The following COP1 variants were observed in gnomAD, a reference collection of about 807,000 sequenced individuals.
COP1 encodes E3 ubiquitin-protein ligase COP1.
Under a neutral mutation model 101.3 loss-of-function variants are expected in COP1, and 24 were observed. The ratio of observed to expected loss-of-function variants is 0.24; its 90% confidence interval spans 0.17 to 0.33. The LOEUF (loss-of-function observed/expected upper bound fraction) is 0.33, where lower values mean the gene tolerates loss of function less well. Ranked by LOEUF, COP1 falls within the 10% of genes least tolerant of loss-of-function variation. COP1 has a pLI of 1.00. For missense variants in COP1, 663 were observed against 906.2 expected, an observed-to-expected ratio of 0.73 and a Z score of 3.45; for synonymous variants, 347 against 341.9, an observed-to-expected ratio of 1.01 and a Z score of -0.17.
At chr1:176,012,073 A>G (rs1664780009) in intron 15 of COP1, among the ~76,000 whole-genome samples, 1 of 152,072 alleles carries the variant, frequency 6.6e-6, no homozygotes, top group African/African-American at 2.4e-5. Flanking sequence ...TATCCCAGCA[A>G]CTTGGGAGGT....
intron 1 of COP1, among the ~76,000 whole-genome samples, chr1:176,184,964 C>T (rs1274860112): frequency 6.6e-6 from 1 of 152,012 alleles, no homozygotes; most frequent in Non-Finnish European, 1.5e-5. Flanking sequence ...TATTTTAACT[C>T]GGCACATAAT....
intron 6 of COP1, among the ~76,000 whole-genome samples, chr1:176,138,528 A>G (rs1690152657): frequency 2.6e-5 from 4 of 152,126 alleles, no homozygotes; most frequent in Admixed American, 2.6e-4. Flanking sequence ...CTCACTCTTA[A>G]AGACACTGTC....
At chr1:176,155,203 G>A (rs1401334373) in intron 5 of COP1, among the ~76,000 whole-genome samples, 7 of 151,988 alleles carry the variant, frequency 4.6e-5, no homozygotes, top group African/African-American at 7.2e-5. Flanking sequence ...CAAAAAATGC[G>A]TACTATTCTT....
intron 15 of COP1, among the ~76,000 whole-genome samples, chr1:176,003,982 A>G (rs1158895949): frequency 1.3e-5 from 2 of 150,424 alleles, no homozygotes; most frequent in Non-Finnish European, 3.0e-5. Flanking sequence ...CCAACCCATG[A>G]GCATGGAATG....
chr1:176,115,877 T>A (rs1378761098), intron 9 of COP1, among the ~76,000 whole-genome samples: 1 of 152,180 alleles, frequency 6.6e-6, no homozygotes, highest in Non-Finnish European at 1.5e-5. Flanking sequence ...CTCATACAAC[T>A]AATTCAAAGA....
chr1:176,174,453 T>C (rs1696622659), intron 3 of COP1, among the ~76,000 whole-genome samples: 1 of 152,192 alleles, frequency 6.6e-6, no homozygotes, highest in African/African-American at 2.4e-5. Flanking sequence ...TCTCCAAGTT[T>C]GCCATAAAAC....
At chr1:176,174,990 T>C (rs1042667072) in intron 3 of COP1, among the ~76,000 whole-genome samples, 19 of 152,302 alleles carry the variant, frequency 1.2e-4, no homozygotes, top group Non-Finnish European at 2.5e-4. Flanking sequence ...TCATTTATCA[T>C]TTATACTTAA....
chr1:176,108,422 C>A (rs1454925352), intron 9 of COP1, among the ~76,000 whole-genome samples: 1 of 152,134 alleles, frequency 6.6e-6, no homozygotes, highest in Non-Finnish European at 1.5e-5. Context: ...ACAATCTTTA[C>A]ATAGTACTTA....
chr1:176,016,639 G>A (rs915951453), intron 15 of COP1, among the ~76,000 whole-genome samples: 30 of 151,976 alleles, frequency 2.0e-4, no homozygotes, highest in African/African-American at 6.5e-4. Flanking sequence ...GAGATGCCAG[G>A]TACATGTAAT....
At chr1:176,129,887 C>T (rs754310484) in intron 8 of COP1, among the ~76,000 whole-genome samples, 1 of 151,738 alleles carries the variant, frequency 6.6e-6, no homozygotes, top group Non-Finnish European at 1.5e-5. Context: ...AGTATGCTAA[C>T]GTTCCTCATC....
At position 176,175,196 on chromosome 1, in the gene COP1, GAGT is replaced by G. The variant is rs375845604; in HGVS notation, c.565+711_565+713del. 1.1e-4 allele frequency among the ~76,000 whole-genome samples: 17 copies of G among 152,194 alleles called. No individual in the cohort carries two copies. In the East Asian group the frequency reaches 2.9e-3, roughly 26 times the overall value. ...CTTGCCCTCAATATTCAACAAACCT[GAGT>G]TCCCGAGACCCATGGACTCTTTCTC... On this transcript the variant is annotated intron_variant, in intron 3 of 19. Coordinates refer to ENST00000367669, the MANE Select transcript of COP1 (RefSeq NM_022457.7).
At chr1:176,153,416 A>G (rs968498619) in intron 5 of COP1, among the ~76,000 whole-genome samples, 2 of 152,202 alleles carry the variant, frequency 1.3e-5, no homozygotes, top group South Asian at 2.1e-4. Flanking sequence ...AATGAATACT[A>G]GTGATTTCTG....
intron 5 of COP1, among the ~76,000 whole-genome samples, chr1:176,150,388 G>T (rs900912105): frequency 6.6e-6 from 1 of 152,160 alleles, no homozygotes; most frequent in Non-Finnish European, 1.5e-5. Flanking sequence ...ATAGAATCAT[G>T]AAGATTGAAA....
chr1:176,144,141 T>G (rs1166767533), intron 6 of COP1, among the ~76,000 whole-genome samples: 4 of 152,034 alleles, frequency 2.6e-5, no homozygotes, highest in Non-Finnish European at 4.4e-5. Flanking sequence ...ATAAAAGATA[T>G]AAGGATCATA....
chr1:176,109,447 G>T (rs922806263), intron 9 of COP1, among the ~76,000 whole-genome samples: 3 of 152,064 alleles, frequency 2.0e-5, no homozygotes, highest in Admixed American at 6.6e-5. Context: ...CTTTTTGGTA[G>T]ATTTTAAATT....
At chr1:176,064,754 A>G (rs1675611036) in intron 11 of COP1, among the ~76,000 whole-genome samples, 1 of 151,826 alleles carries the variant, frequency 6.6e-6, no homozygotes, top group African/African-American at 2.4e-5. Flanking sequence ...CCCAGACTCA[A>G]TCGATGCCCC....
intron 14 of COP1, 77 bp downstream of exon 14, chr1:176,043,109 T>C (rs575443730): frequency 1.3e-5 from 11 of 831,402 alleles, no homozygotes; most frequent in Non-Finnish European, 2.3e-5. Flanking sequence ...TAAATATTTG[T>C]ATTTCTGCCG....
chr1:175,951,366 C>T (rs1407692571), intron 18 of COP1, among the ~76,000 whole-genome samples: 1 of 146,790 alleles, frequency 6.8e-6, no homozygotes, highest in Admixed American at 6.8e-5. Flanking sequence ...ATAGATGTAA[C>T]TGATTTTAAA....
chr1:176,053,990 C>T (rs905391689), intron 11 of COP1, among the ~76,000 whole-genome samples: 4 of 152,118 alleles, frequency 2.6e-5, no homozygotes, highest in African/African-American at 9.7e-5. Flanking sequence ...TCTCTGGTCT[C>T]ATTTTAAATT....
Sources: gnomAD v4.1 joint callset for allele counts (sites outside exome capture counted in the v4.1 genomes callset) on GRCh38, gnomAD v4.1.1 for gene constraint, MANE v1.5 for transcripts, NCBI Gene and HGNC (gene_info 2026-07-23, HGNC 2026-07-21) for gene names.